The following MAP2 variants were observed in gnomAD, a reference collection of about 807,000 sequenced individuals.
MAP2 encodes microtubule-associated protein 2.
A neutral mutation model predicts 137.6 loss-of-function variants in MAP2; 14 were observed. The observed-to-expected ratio is 0.10, with a 90% CI of 0.07 to 0.16. MAP2 has a LOEUF of 0.16. MAP2 is among the 10% of genes least tolerant of loss of function. The probability of loss-of-function intolerance (pLI) is 1.00; values close to 1 mark genes in which losing one functional copy is unlikely to be tolerated. For synonymous variants in MAP2, 786 were observed against 782.3 expected (o/e 1.00, Z -0.08); for missense variants, 2,088 against 2,191.5 (o/e 0.95, Z 0.94).
At chr2:209,710,565 A>G (rs2065094391) in intron 13 of MAP2, 1 of 231,594 alleles carries the variant, frequency 4.3e-6, no homozygotes, top group Non-Finnish European at 8.4e-6. Context: ...TTAAAGTTAT[A>G]TTTCTGATAT....
intron 6 of MAP2, among the ~76,000 whole-genome samples, chr2:209,679,436 CAA>C (rs1236694299): frequency 1.3e-5 from 2 of 151,670 alleles, no homozygotes; most frequent in African/African-American, 2.4e-5. Flanking sequence ...TGTATATACA[CAA>C]AGAGATACAG....
At chr2:209,660,029 C>T (rs2042690159) in intron 5 of MAP2, among the ~76,000 whole-genome samples, 1 of 151,880 alleles carries the variant, frequency 6.6e-6, no homozygotes, top group Admixed American at 6.6e-5. Context: ...CAGAGCGAGA[C>T]TCAGTCTCAA....
intron 1 of MAP2, among the ~76,000 whole-genome samples, chr2:209,434,424 A>G (rs1047392361): frequency 2.6e-4 from 39 of 151,708 alleles, no homozygotes; most frequent in African/African-American, 9.0e-4. Flanking sequence ...ATTATTGTTG[A>G]TTTTTGTTTA....
chr2:209,496,962 T>G (rs1451240792), intron 1 of MAP2, among the ~76,000 whole-genome samples: 1 of 151,812 alleles, frequency 6.6e-6, no homozygotes, highest in African/African-American at 2.4e-5. Flanking sequence ...AAAAAAAAAT[T>G]GTTTTTGTAG....
chr2:209,515,908 C>T (rs1288080653), intron 2 of MAP2, among the ~76,000 whole-genome samples: 2 of 152,078 alleles, frequency 1.3e-5, no homozygotes, highest in Non-Finnish European at 2.9e-5. Context: ...TTGCCTTAGA[C>T]TCCTGAGTAG....
chr2:209,648,454 A>G (rs1045092264), intron 4 of MAP2, among the ~76,000 whole-genome samples: 6 of 151,978 alleles, frequency 3.9e-5, no homozygotes, highest in Non-Finnish European at 5.9e-5. Context: ...CCCATTATAT[A>G]TTGACGTGTG....
intron 12 of MAP2, among the ~76,000 whole-genome samples, chr2:209,706,170 T>C (rs1294332433): frequency 6.6e-6 from 1 of 152,134 alleles, no homozygotes; most frequent in African/African-American, 2.4e-5. Flanking sequence ...TTCTTAAGAA[T>C]TTGCATTCCA....
chr2:209,435,992 ATATACTATATATACAGTATATAT>A (rs375962611), intron 1 of MAP2, among the ~76,000 whole-genome samples: 37,852 of 124,170 alleles, frequency 0.3, 10,194 homozygotes, highest in African/African-American at 0.69. Context: ...AGTATATATT[ATATACTATATATACAGTATATAT>A]TATATATAAA....
At chr2:209,652,105 C>T (rs1316258476) in intron 4 of MAP2, among the ~76,000 whole-genome samples, 3 of 152,126 alleles carry the variant, frequency 2.0e-5, no homozygotes, top group Non-Finnish European at 2.9e-5. Flanking sequence ...TGGTGGGCAA[C>T]AGCTTTCCAA....
intron 2 of MAP2, among the ~76,000 whole-genome samples, chr2:209,553,342 G>A (rs369585055): frequency 6.6e-6 from 1 of 152,102 alleles, no homozygotes; most frequent in Non-Finnish European, 1.5e-5. Flanking sequence ...AGGCAGTATG[G>A]TACAGCGAGA....
chr2:209,628,370 A>G (rs2092631940), intron 4 of MAP2, among the ~76,000 whole-genome samples: 1 of 151,808 alleles, frequency 6.6e-6, no homozygotes, highest in Non-Finnish European at 1.5e-5. Context: ...AGCAACTCTG[A>G]AAGTTTGTTT....
At chr2:209,638,182 G>A (rs547617204) in intron 4 of MAP2, among the ~76,000 whole-genome samples, 19 of 152,166 alleles carry the variant, frequency 1.2e-4, no homozygotes, top group African/African-American at 4.3e-4. Context: ...AAGTTTGACA[G>A]AATACAAGTA....
chr2:209,512,222 C>G (rs1375474226), intron 2 of MAP2, among the ~76,000 whole-genome samples: 1 of 152,002 alleles, frequency 6.6e-6, no homozygotes, highest in Non-Finnish European at 1.5e-5. Context: ...ATGCTAATTA[C>G]TTTGATTATT....
Position 209,693,264 on chromosome 2 carries a change from G to A in MAP2, c.1094G>A (p.Ser365Asn). 6.2e-7 allele frequency: 1 copy of A among 1,614,028 alleles called. No homozygotes were observed. The highest frequency in any genetic ancestry group is 1.1e-5 in the South Asian group (1 of 91,068). ...AGTGGCCCAGCTACTGCCAAAGATA[G>A]TTTTAAAATTGAAGAGCCCCATGAG... Reference protein sequence around the residue: ...QTSGPATAKDSFKIEEPHEAK... With the variant: ...QTSGPATAKDNFKIEEPHEAK... Residue 365 changes from serine (S) to asparagine (N), a missense_variant, in exon 8 of 16, where the codon AGT becomes AAT. Ser to Asn is a conservative substitution (Grantham distance 46). Around this residue, in one of 6 missense-constraint regions of MAP2, gnomAD observed 859 missense variants for 794.5 expected, o/e 1.08. Coordinates refer to ENST00000682079, the MANE Select transcript of MAP2 (RefSeq NM_001375505.1).
chr2:209,483,431 A>G (rs2057974378), intron 1 of MAP2, among the ~76,000 whole-genome samples: 1 of 152,196 alleles, frequency 6.6e-6, no homozygotes, highest in Non-Finnish European at 1.5e-5. Flanking sequence ...CAAATTAGCC[A>G]GTGATGGTGG....
At chr2:209,614,329 C>A (rs910384728) in intron 3 of MAP2, among the ~76,000 whole-genome samples, 2 of 152,088 alleles carry the variant, frequency 1.3e-5, no homozygotes, top group Non-Finnish European at 2.9e-5. Flanking sequence ...AAAAGAAACC[C>A]CCAATAGATG....
At chr2:209,586,124 C>T (rs530262328) in intron 3 of MAP2, among the ~76,000 whole-genome samples, 1 of 151,988 alleles carries the variant, frequency 6.6e-6, no homozygotes, top group Admixed American at 6.6e-5. Flanking sequence ...TAGGAAAATA[C>T]ACTTAAGGAG....
chr2:209,539,748 TTTG>T (rs1198841727), intron 2 of MAP2, among the ~76,000 whole-genome samples: 1 of 151,842 alleles, frequency 6.6e-6, no homozygotes, highest in Non-Finnish European at 1.5e-5. Flanking sequence ...ATAGTGCAAA[TTTG>T]TTGTTGACAA....
chr2:209,722,258 G>A (rs979065192), intron 13 of MAP2, among the ~76,000 whole-genome samples: 1 of 152,202 alleles, frequency 6.6e-6, no homozygotes, highest in Non-Finnish European at 1.5e-5. Context: ...GGCTCTCCCC[G>A]TGGGTTGCTG....
Sources: gnomAD v4.1 joint callset for allele counts (sites outside exome capture counted in the v4.1 genomes callset) on GRCh38, gnomAD v4.1.1 for gene constraint, gnomAD v4.1.1 regional missense constraint, MANE v1.5 for transcripts, NCBI Gene and HGNC (gene_info 2026-07-23, HGNC 2026-07-21) for gene names.